Variants in PPP2R5E observed in about 807,000 individuals in gnomAD.
The protein encoded by PPP2R5E is serine/threonine-protein phosphatase 2A 56 kDa regulatory subunit epsilon isoform.
In PPP2R5E, 4 loss-of-function variants were observed where a neutral mutation model predicts 65.3. That is an observed-to-expected ratio of 0.06 (90% confidence interval 0.03 to 0.14). The LOEUF (loss-of-function observed/expected upper bound fraction) is 0.14. PPP2R5E is among the 10% of genes least tolerant of loss of function. The pLI is 1.00. For missense variants in PPP2R5E, 274 were observed against 556.1 expected (o/e 0.49, Z 5.10); for synonymous variants, 183 against 187.4 (o/e 0.98, Z 0.19).
intron 3 of PPP2R5E, among the ~76,000 whole-genome samples, chr14:63,441,010 A>G (rs1415968428): frequency 1.3e-5 from 2 of 151,868 alleles, no homozygotes; most frequent in East Asian, 1.9e-4. Flanking sequence ...TCAAATCTCA[A>G]TCACCCAGGT....
chr14:63,374,548 G>C lies in PPP2R5E; in HGVS notation c.*1461C>G, dbSNP rs1449337013. On this transcript the variant is annotated 3_prime_UTR_variant, in exon 14 of 14. Coordinates refer to ENST00000337537, the MANE Select transcript of PPP2R5E (RefSeq NM_006246.5). Reference sequence around the variant, plus strand: ...GTAATAATGCAACTGCATTAGGTAAGTACATACTGTACACAAATTTTATCA... The same window carrying C: ...GTAATAATGCAACTGCATTAGGTAACTACATACTGTACACAAATTTTATCA... 8 of 148,898 alleles carry C rather than the reference G, an allele frequency of 5.4e-5. No homozygotes were observed. Among genetic ancestry groups the C allele is most frequent in the African/African-American group, 2.0e-4 (8 of 40,092 alleles). The allele number at this position is 148,898 out of a possible 1,614,324, so 9.2% of individuals were successfully genotyped here. A position where few individuals can be genotyped will look rare whatever the true frequency, so the allele number is the denominator to read the frequency against.
At chr14:63,518,913 T>C (rs940113015) in intron 2 of PPP2R5E, among the ~76,000 whole-genome samples, 2 of 151,468 alleles carry the variant, frequency 1.3e-5, no homozygotes, top group East Asian at 3.9e-4. Flanking sequence ...AAATTAAAAA[T>C]AAAAAAATAA....
chr14:63,399,130 T>C (rs1885587233), intron 5 of PPP2R5E, among the ~76,000 whole-genome samples: 1 of 152,082 alleles, frequency 6.6e-6, no homozygotes, highest in African/African-American at 2.4e-5. Flanking sequence ...ATCCGTCAAC[T>C]GATAAACAAA....
At chr14:63,439,362 T>TG (rs981947404) in intron 3 of PPP2R5E, among the ~76,000 whole-genome samples, 12 of 146,148 alleles carry the variant, frequency 8.2e-5, no homozygotes, top group African/African-American at 2.9e-4. Flanking sequence ...CTGTTTTTTT[T>TG]TTTTGTTTTT....
At chr14:63,447,974 C>A (rs1007440176) in intron 3 of PPP2R5E, among the ~76,000 whole-genome samples, 2 of 152,182 alleles carry the variant, frequency 1.3e-5, no homozygotes, top group Admixed American at 1.3e-4. Flanking sequence ...GCTGTAGGGG[C>A]ACATTTCATG....
chr14:63,455,475 G>A (rs950587373), intron 2 of PPP2R5E, among the ~76,000 whole-genome samples: 1 of 152,120 alleles, frequency 6.6e-6, no homozygotes, highest in African/African-American at 2.4e-5. Context: ...TAACCAGTGA[G>A]TTTCCCTTCC....
chr14:63,500,306 T>G (rs971009506), intron 2 of PPP2R5E, among the ~76,000 whole-genome samples: 9 of 148,276 alleles, frequency 6.1e-5, no homozygotes, highest in Admixed American at 1.3e-4. Context: ...TGACTTTAAC[T>G]AAATCAGATG....
rs57779382 is a variant in PPP2R5E at position 63,489,416 on chromosome 14, C to T, written c.158-35531G>A. ...TTTTTGTTGTTGTTGTTGTTGTTTT[C>T]TTTTTTTTTTTTTGAGACAGAGTCT... On this transcript the variant is annotated intron_variant, in intron 2 of 13. Transcript: ENST00000337537. Among the ~76,000 whole-genome samples, 95 of 141,916 alleles carry T rather than the reference C, an allele frequency of 6.7e-4. 1 individual carries two copies. In the South Asian group the frequency reaches 6.8e-3, roughly 10 times the overall value. 93.1% of individuals were successfully genotyped at this position (141,916 alleles called of 152,430 possible).
At chr14:63,383,996 C>T (rs1405608241) in intron 12 of PPP2R5E, among the ~76,000 whole-genome samples, 5 of 152,130 alleles carry the variant, frequency 3.3e-5, no homozygotes, top group Admixed American at 2.0e-4. Context: ...CCCAAAAGAC[C>T]TTGTGCCTCA....
intron 3 of PPP2R5E, among the ~76,000 whole-genome samples, chr14:63,439,377 T>C (rs1478833825): frequency 6.6e-6 from 1 of 152,106 alleles, no homozygotes; most frequent in Non-Finnish European, 1.5e-5. Context: ...GTTTTTGTTT[T>C]TGTTTCTGTT....
At chr14:63,388,282 A>G (rs1431595156) in intron 11 of PPP2R5E, among the ~76,000 whole-genome samples, 1 of 152,080 alleles carries the variant, frequency 6.6e-6, no homozygotes, top group Non-Finnish European at 1.5e-5. Context: ...TTGGGATTAC[A>G]GGCGCCCGCC....
chr14:63,391,394 AGTTTTGCTTT>A lies in PPP2R5E; in HGVS notation c.954+413_954+422del, dbSNP rs1357610190. 1.1e-3 allele frequency among the ~76,000 whole-genome samples: 171 copies of A among 149,100 alleles called. 1 individual carries two copies. The highest frequency in any genetic ancestry group is 2.9e-3 in the African/African-American group (116 of 39,590). On this transcript the variant is annotated intron_variant, in intron 10 of 13. Transcript: ENST00000337537. ...CAATGAGGTTTAAATGAGATGATGC[AGTTTTGCTTT>A]GTTTTGTTTTGTTTTGTTTTGTTTT...
At chr14:63,461,654 A>C (rs1195310445) in intron 2 of PPP2R5E, among the ~76,000 whole-genome samples, 1 of 151,554 alleles carries the variant, frequency 6.6e-6, no homozygotes, top group African/African-American at 2.4e-5. Flanking sequence ...AAAAAAAAAA[A>C]ATTGCTGGGC....
chr14:63,483,751 C>CAG (rs1890828957), intron 2 of PPP2R5E, among the ~76,000 whole-genome samples: 1 of 152,078 alleles, frequency 6.6e-6, no homozygotes, highest in Admixed American at 6.6e-5. Context: ...AAGGAAAGAG[C>CAG]AGAGCCGAGA....
intron 2 of PPP2R5E, among the ~76,000 whole-genome samples, chr14:63,461,011 C>T (rs1414570098): frequency 6.6e-6 from 1 of 152,194 alleles, no homozygotes; most frequent in East Asian, 1.9e-4. Context: ...AAGTTGGTTA[C>T]TGAAACTTGT....
chr14:63,437,315 C>CT (rs1887994235), intron 3 of PPP2R5E, among the ~76,000 whole-genome samples: 1 of 152,110 alleles, frequency 6.6e-6, no homozygotes, highest in African/African-American at 2.4e-5. Context: ...TGCCTATGGA[C>CT]TAGCCCTTCT....
At chr14:63,401,009 G>A (rs1308004994) in intron 5 of PPP2R5E, among the ~76,000 whole-genome samples, 1 of 152,124 alleles carries the variant, frequency 6.6e-6, no homozygotes, top group Non-Finnish European at 1.5e-5. Context: ...CAATAATTAA[G>A]CAAGAAATGT....
chr14:63,512,994 C>A (rs553336190), intron 2 of PPP2R5E, among the ~76,000 whole-genome samples: 129 of 130,678 alleles, frequency 9.9e-4, no homozygotes, highest in African/African-American at 3.9e-3. Context: ...TCTCCACCCC[C>A]CTACCCCCCA....
chr14:63,462,606 C>T (rs1391888862), intron 2 of PPP2R5E, among the ~76,000 whole-genome samples: 39 of 152,112 alleles, frequency 2.6e-4, no homozygotes, highest in Admixed American at 2.5e-3. Context: ...ATAGTAGGTA[C>T]GTAATGTTAG....
Sources: gnomAD v4.1 joint callset for allele counts (sites outside exome capture counted in the v4.1 genomes callset) on GRCh38, gnomAD v4.1.1 for gene constraint, MANE v1.5 for transcripts, NCBI Gene and HGNC (gene_info 2026-07-23, HGNC 2026-07-21) for gene names.